The following ST18 variants were observed in gnomAD, a reference collection of about 807,000 sequenced individuals.
The protein encoded by ST18 is suppression of tumorigenicity 18 protein.
In ST18, 50 loss-of-function variants were observed where a neutral mutation model predicts 110.0. That is an observed-to-expected ratio of 0.45 (90% confidence interval 0.36 to 0.58). The LOEUF (loss-of-function observed/expected upper bound fraction) is 0.58. ST18 is among the 20% of genes least tolerant of loss of function. ST18 has a pLI of 0.00. For synonymous variants in ST18, 461 were observed against 452.4 expected, an observed-to-expected ratio of 1.02 and a Z score of -0.24; for missense variants, 1,306 against 1,280.1, an observed-to-expected ratio of 1.02 and a Z score of -0.31.
chr8:52,285,511 C>T (rs2095455640), intron 2 of ST18, among the ~76,000 whole-genome samples: 1 of 152,192 alleles, frequency 6.6e-6, no homozygotes, highest in Admixed American at 6.5e-5. Flanking sequence ...CAGGCTCTGA[C>T]CCAGACTGGT....
At chr8:52,159,327 T>C (rs1012344445) in intron 14 of ST18, among the ~76,000 whole-genome samples, 14 of 152,208 alleles carry the variant, frequency 9.2e-5, no homozygotes, top group African/African-American at 3.4e-4. Flanking sequence ...AGAATACCTA[T>C]TCTCTTAATA....
chr8:52,133,386 T>C (rs2050568232), intron 19 of ST18, 85 bp from the exon 20 acceptor site: 1 of 1,465,338 alleles, frequency 6.8e-7, no homozygotes, highest in Non-Finnish European at 9.5e-7. Context: ...GGTTCTTCAG[T>C]AATCACATTA....
intron 2 of ST18, among the ~76,000 whole-genome samples, chr8:52,362,200 T>C (rs1019984397): frequency 6.6e-6 from 1 of 152,350 alleles, no homozygotes; most frequent in Admixed American, 6.5e-5. Context: ...TAATGTGATG[T>C]CATTTCACAG....
intron 2 of ST18, among the ~76,000 whole-genome samples, chr8:52,375,818 G>T (rs564879126): frequency 6.8e-6 from 1 of 146,894 alleles, no homozygotes; most frequent in South Asian, 2.1e-4. Flanking sequence ...GGACTGAGCC[G>T]CAGGTCTTCA....
At chr8:52,129,066 A>G (rs1028742414) in intron 22 of ST18, among the ~76,000 whole-genome samples, 103 of 152,258 alleles carry the variant, frequency 6.8e-4, no homozygotes, top group African/African-American at 2.3e-3. Context: ...GCATATATAT[A>G]CATATAGGCT....
chr8:52,274,377 A>T (rs1328426070), intron 2 of ST18, among the ~76,000 whole-genome samples: 3 of 152,172 alleles, frequency 2.0e-5, no homozygotes, highest in Admixed American at 2.0e-4. Flanking sequence ...TATATGTTAA[A>T]TACTAGAAAT....
In ST18 at chr8:52,229,146, C is replaced by G. The variant is rs140175173; in HGVS notation, c.-419+886G>C. The stretch of plus-strand genomic sequence containing the variant: ...CTTCATTCAAATACAGGAATTTACT[C>G]ATAGGATTCAGACTGCCAGCTGCAA... On this transcript the variant is annotated intron_variant, in intron 3 of 25. Coordinates refer to ENST00000689386, the MANE Select transcript of ST18 (RefSeq NM_001352837.2). Among the ~76,000 whole-genome samples, 493 of 152,272 alleles carry G rather than the reference C, an allele frequency of 3.2e-3. 4 individuals carry two copies. Among genetic ancestry groups the G allele is most frequent in the African/African-American group, 0.011 (470 of 41,554 alleles).
intron 9 of ST18, 26 bp downstream of exon 9, chr8:52,180,096 A>G (rs2068746263): frequency 6.2e-7 from 1 of 1,610,328 alleles, no homozygotes; most frequent in East Asian, 2.2e-5. Context: ...GGGAGCAGGT[A>G]AAGTTTGGGC....
At chr8:52,338,382 T>TAA (rs1813199073) in intron 2 of ST18, among the ~76,000 whole-genome samples, 2 of 152,152 alleles carry the variant, frequency 1.3e-5, no homozygotes, top group Non-Finnish European at 1.5e-5. Context: ...ATGGCATATC[T>TAA]TCTGGGGATT....
At chr8:52,345,264 T>C (rs997305938) in intron 2 of ST18, among the ~76,000 whole-genome samples, 2 of 152,354 alleles carry the variant, frequency 1.3e-5, no homozygotes, top group Non-Finnish European at 2.9e-5. Flanking sequence ...GGGATCTAGA[T>C]GACAAATTAG....
intron 15 of ST18, among the ~76,000 whole-genome samples, chr8:52,157,628 C>T (rs924990730): frequency 2.6e-5 from 4 of 152,156 alleles, no homozygotes; most frequent in Admixed American, 6.5e-5. Flanking sequence ...TATACATATG[C>T]ATGTATTTTT....
chr8:52,383,915 T>TTTTTG (rs370593073), intron 2 of ST18, among the ~76,000 whole-genome samples: 126 of 152,168 alleles, frequency 8.3e-4, no homozygotes, highest in Middle Eastern at 3.4e-3. Context: ...ACCCAGCTAG[T>TTTTTG]TTTTGTTTTG....
chr8:52,215,426 A>G (rs1191298209), intron 6 of ST18, among the ~76,000 whole-genome samples: 3 of 152,208 alleles, frequency 2.0e-5, no homozygotes, highest in Admixed American at 1.3e-4. Flanking sequence ...GTTCAGTTAA[A>G]CCAATATAGA....
In ST18 at chr8:52,396,661, C is replaced by T. The variant is rs560131274; in HGVS notation, c.-465+12667G>A. 2.6e-5 allele frequency among the ~76,000 whole-genome samples: 4 copies of T among 152,152 alleles called. No individual in the cohort carries two copies. In the East Asian group the frequency reaches 7.7e-4, roughly 29 times the overall value. Reference sequence around the variant, plus strand: ...GGTGGCAGGAGAGAGAAGTGCCAAGCAAAGGGGGAAAAGCCCCATAAAAAA... The same window carrying T: ...GGTGGCAGGAGAGAGAAGTGCCAAGTAAAGGGGGAAAAGCCCCATAAAAAA... On this transcript the variant is annotated intron_variant, in intron 2 of 25. Transcript: ENST00000689386.
At chr8:52,155,222 T>A (rs1023151058) in intron 15 of ST18, among the ~76,000 whole-genome samples, 12 of 151,702 alleles carry the variant, frequency 7.9e-5, no homozygotes, top group African/African-American at 2.9e-4. Context: ...AAAATTAAAT[T>A]AAATAAATAA....
Position 52,159,122 on chromosome 8 carries a change from G to C in ST18, c.1595-13C>G, listed in dbSNP as rs751147063. On this transcript the variant is annotated splice_polypyrimidine_tract_variant and intron_variant, in intron 14 of 25. Coordinates refer to ENST00000689386, the MANE Select transcript of ST18 (RefSeq NM_001352837.2). Reference sequence around the variant, plus strand: ...GGAAAATGCTTTGCTGTTGAAGAGAGATTTGATTAGCAATTGCATGTACAT... The same window carrying C: ...GGAAAATGCTTTGCTGTTGAAGAGACATTTGATTAGCAATTGCATGTACAT... The C allele has an allele frequency of 1.2e-6, 2 of 1,610,312 alleles. No individual in the cohort carries two copies. Among genetic ancestry groups the C allele is most frequent in the African/African-American group, 1.3e-5 (1 of 74,910 alleles).
chr8:52,172,647 C>A (rs1355835537), intron 9 of ST18, 64 bp from the exon 10 acceptor site: 2 of 1,333,814 alleles, frequency 1.5e-6, no homozygotes, highest in African/African-American at 1.5e-5. Flanking sequence ...AAAATTGCAA[C>A]AAGTTATATG....
Position 52,161,399 on chromosome 8 carries a change from G to A in ST18, c.1570C>T (p.Arg524Ter). The change falls in exon 14 of 26, where the codon CGA (arginine) becomes TGA (stop). Residue 524 changes from arginine (R) to a stop codon, truncating the protein, a stop_gained. Coordinates refer to ENST00000689386, the MANE Select transcript of ST18 (RefSeq NM_001352837.2). LOFTEE classifies it high-confidence loss of function. ...CATTCAGGAAATGGTGGTGTTTTTC[G>A]TCCTTGCACTGTTTGTATGAGAGGG... ...KRPLIQTVQG[R>*]KTPPFPESKH... The A allele has an allele frequency of 1.9e-6, 3 of 1,613,804 alleles. No homozygotes were observed. The highest frequency in any genetic ancestry group is 2.5e-6 in the Non-Finnish European group (3 of 1,179,916).
At chr8:52,130,457 CT>C (rs1455774447) in intron 22 of ST18, among the ~76,000 whole-genome samples, 3 of 152,116 alleles carry the variant, frequency 2.0e-5, no homozygotes, top group Admixed American at 6.5e-5. Flanking sequence ...TCAATAAGCA[CT>C]ACTTATTTAC....
Sources: allele counts gnomAD v4.1 joint callset (sites outside exome capture counted in the v4.1 genomes callset), GRCh38; gene constraint gnomAD v4.1.1; transcripts MANE v1.5; gene names NCBI Gene and HGNC (gene_info 2026-07-23, HGNC 2026-07-21).